CDK14: variants seen among roughly 807,000 people sequenced by gnomAD.
CDK14 encodes cyclin-dependent kinase 14.
Under a neutral mutation model 60.7 loss-of-function variants are expected in CDK14, and 34 were observed. The observed-to-expected ratio is 0.56, with a 90% CI of 0.43 to 0.75. The LOEUF (loss-of-function observed/expected upper bound fraction) is 0.75. Among genes scored for constraint, CDK14 ranks in the 30% least tolerant of loss-of-function variants. CDK14 has a pLI of 0.00. For missense variants in CDK14, 482 were observed against 564.1 expected (o/e 0.85, Z 1.47); for synonymous variants, 197 against 203.7 (o/e 0.97, Z 0.28).
chr7:91,068,860 C>T (rs2116166609), intron 11 of CDK14, among the ~76,000 whole-genome samples: 1 of 146,704 alleles, frequency 6.8e-6, no homozygotes, highest in East Asian at 2.0e-4. Context: ...TCTTAAAGGC[C>T]ACAAACCCTT....
intron 9 of CDK14, among the ~76,000 whole-genome samples, chr7:90,958,566 C>G (rs1295625428): frequency 6.6e-6 from 1 of 151,944 alleles, no homozygotes; most frequent in Non-Finnish European, 1.5e-5. Flanking sequence ...TTTCCCAACA[C>G]AGGGATTTGG....
intron 11 of CDK14, among the ~76,000 whole-genome samples, chr7:91,074,434 A>G (rs1356983336): frequency 6.6e-6 from 1 of 152,220 alleles, no homozygotes; most frequent in African/African-American, 2.4e-5. Context: ...GCAGAAATCA[A>G]GAAGTTCGTT....
chr7:91,145,560 A>G (rs994745209), intron 14 of CDK14, among the ~76,000 whole-genome samples: 8 of 152,352 alleles, frequency 5.3e-5, no homozygotes, highest in East Asian at 1.9e-4. Flanking sequence ...GTTGACAACA[A>G]TGATAGCTAA....
chr7:91,194,735 TCTGGGATGTGCTTCCCA>T (rs930512965), intron 14 of CDK14, among the ~76,000 whole-genome samples: 1 of 152,216 alleles, frequency 6.6e-6, no homozygotes, highest in Admixed American at 6.5e-5. Flanking sequence ...GTAAGATCTT[TCTGGGATGTGCTTCCCA>T]GTCACAGGTG....
At chr7:90,765,675 G>A (rs1804525620) in intron 4 of CDK14, among the ~76,000 whole-genome samples, 1 of 151,136 alleles carries the variant, frequency 6.6e-6, no homozygotes, top group African/African-American at 2.4e-5. Context: ...AAGAGAGAAT[G>A]GGGGATGAAA....
chr7:90,895,397 T>A (rs1584097741), intron 6 of CDK14, among the ~76,000 whole-genome samples: 1 of 10,818 alleles, frequency 9.2e-5, no homozygotes, highest in Non-Finnish European at 1.5e-4. Flanking sequence ...TCTCCTCTCC[T>A]CTCCTCTCCT....
intron 14 of CDK14, among the ~76,000 whole-genome samples, chr7:91,174,079 A>G (rs1178760506): frequency 6.6e-6 from 1 of 152,144 alleles, no homozygotes; most frequent in Non-Finnish European, 1.5e-5. Flanking sequence ...TGAAGAGAGC[A>G]GTGGTTCTCC....
At chr7:91,054,088 A>T (rs975053846) in intron 11 of CDK14, among the ~76,000 whole-genome samples, 6 of 112,946 alleles carry the variant, frequency 5.3e-5, no homozygotes, top group African/African-American at 7.3e-5. Flanking sequence ...CTGCAAAATA[A>T]TTTTTTTTTT....
At chr7:91,018,757 C>T (rs952349613) in intron 10 of CDK14, among the ~76,000 whole-genome samples, 9 of 152,190 alleles carry the variant, frequency 5.9e-5, no homozygotes, top group Non-Finnish European at 1.3e-4. Flanking sequence ...TCACGTAAAA[C>T]GTGCCTGCTT....
intron 5 of CDK14, among the ~76,000 whole-genome samples, chr7:90,832,903 T>G (rs532463809): frequency 2.0e-5 from 3 of 152,214 alleles, no homozygotes; most frequent in South Asian, 4.1e-4. Context: ...GTCACATGGC[T>G]AGGGCCTTGG....
chr7:90,793,519 A>G (rs1343271964), intron 5 of CDK14, among the ~76,000 whole-genome samples: 1 of 152,238 alleles, frequency 6.6e-6, no homozygotes, highest in Non-Finnish European at 1.5e-5. Context: ...AGACAGGTAT[A>G]GAAAAGGAGC....
At position 90,983,868 on chromosome 7, in the gene CDK14, G is replaced by T. The variant is rs531733838; in HGVS notation, c.948-280G>T. On this transcript the variant is annotated intron_variant, in intron 9 of 14. Coordinates refer to ENST00000380050, the MANE Select transcript of CDK14 (RefSeq NM_001287135.2). Reference sequence around the variant, plus strand: ...AATAGACACTAGAGACTACTAGAAGGAGGAGGAAGGAAGGGAGGCAAGGGT... The same window carrying T: ...AATAGACACTAGAGACTACTAGAAGTAGGAGGAAGGAAGGGAGGCAAGGGT... Among the ~76,000 whole-genome samples, 21 of 152,184 alleles carry T rather than the reference G, an allele frequency of 1.4e-4. No homozygotes were observed. The South Asian group carries it at 4.2e-3, about 30-fold the overall frequency.
At chr7:90,668,181 C>G (rs1298431437) in intron 2 of CDK14, among the ~76,000 whole-genome samples, 1 of 152,166 alleles carries the variant, frequency 6.6e-6, no homozygotes, top group Non-Finnish European at 1.5e-5. Context: ...CTTACCAATA[C>G]CTGTTGTCTG....
intron 10 of CDK14, among the ~76,000 whole-genome samples, chr7:90,997,209 C>G (rs1795711699): frequency 6.6e-6 from 1 of 152,086 alleles, no homozygotes; most frequent in African/African-American, 2.4e-5. Context: ...TCTTATTCTC[C>G]TAATAGAGTT....
chr7:90,696,243 G>A (rs1328919701), intron 2 of CDK14, among the ~76,000 whole-genome samples: 2 of 152,076 alleles, frequency 1.3e-5, no homozygotes, highest in South Asian at 2.1e-4. Flanking sequence ...GTAAAGGTAG[G>A]CTCATATTGA....
intron 4 of CDK14, 71 bp from the exon 5 acceptor site, chr7:90,790,502 T>G (rs1805786586): frequency 2.1e-6 from 2 of 956,142 alleles, no homozygotes; most frequent in East Asian, 5.2e-5. Context: ...TTATATAAAT[T>G]ATAAGGAAGA....
At chr7:90,705,244 CTCTTT>C (rs1460484260) in intron 2 of CDK14, among the ~76,000 whole-genome samples, 1 of 151,666 alleles carries the variant, frequency 6.6e-6, no homozygotes, top group Non-Finnish European at 1.5e-5. Flanking sequence ...ATATAAAGTA[CTCTTT>C]TCTTCCCTCA....
At chr7:90,735,351 C>T (rs980371305) in intron 3 of CDK14, among the ~76,000 whole-genome samples, 10 of 152,194 alleles carry the variant, frequency 6.6e-5, no homozygotes, top group Non-Finnish European at 1.2e-4. Context: ...CTGGGAGATC[C>T]GCTGCTCTCT....
At chr7:90,627,886 T>G (rs1033501371) in intron 2 of CDK14, among the ~76,000 whole-genome samples, 1 of 152,206 alleles carries the variant, frequency 6.6e-6, no homozygotes, top group Admixed American at 6.5e-5. Context: ...CAACTCAGTT[T>G]TATGCTCCTA....
Sources: gnomAD v4.1 joint callset for allele counts (sites outside exome capture counted in the v4.1 genomes callset) on GRCh38, gnomAD v4.1.1 for gene constraint, MANE v1.5 for transcripts, NCBI Gene and HGNC (gene_info 2026-07-23, HGNC 2026-07-21) for gene names.